The following GRM8 variants were observed in gnomAD, a reference collection of about 807,000 sequenced individuals.
The protein encoded by GRM8 is glutamate metabotropic receptor 8.
In GRM8, 47 loss-of-function variants were observed where a neutral mutation model predicts 87.2. The observed-to-expected ratio is 0.54, with a 90% CI of 0.43 to 0.69. The LOEUF (loss-of-function observed/expected upper bound fraction) is 0.69, where lower values mean the gene tolerates loss of function less well. GRM8 is among the 30% of genes least tolerant of loss of function. GRM8 has a pLI of 0.00. For synonymous variants in GRM8, 396 were observed against 404.5 expected (o/e 0.98, Z 0.25); for missense variants, 1,019 against 1,139.2 (o/e 0.89, Z 1.52).
intron 6 of GRM8, among the ~76,000 whole-genome samples, chr7:126,773,436 T>C (rs549009417): frequency 6.6e-6 from 1 of 152,274 alleles, no homozygotes; most frequent in South Asian, 2.1e-4. Flanking sequence ...ATGGAATTCA[T>C]GTAACAGCTA....
chr7:126,646,173 A>G (rs1348126862), intron 7 of GRM8, among the ~76,000 whole-genome samples: 3 of 152,070 alleles, frequency 2.0e-5, no homozygotes, highest in African/African-American at 7.2e-5. Context: ...TCTGCATTCA[A>G]ATGCAGATTG....
At chr7:126,600,717 T>C (rs1282183812) in intron 8 of GRM8, among the ~76,000 whole-genome samples, 1 of 152,170 alleles carries the variant, frequency 6.6e-6, no homozygotes, top group Non-Finnish European at 1.5e-5. Context: ...ACTTGCTCAA[T>C]GTGTGAATAA....
intron 6 of GRM8, among the ~76,000 whole-genome samples, chr7:126,868,305 C>T (rs1798787460): frequency 1.3e-5 from 2 of 152,174 alleles, no homozygotes; most frequent in South Asian, 4.1e-4. Context: ...CCAGTGTGGA[C>T]TCGAGCTCTA....
At position 127,106,753 on chromosome 7, in the gene GRM8, C is replaced by A. The variant is rs763614049; in HGVS notation, c.511-41G>T. 2.2e-6 allele frequency: 3 copies of A among 1,378,750 alleles called. 1 individual carries two copies. The South Asian group carries it at 3.5e-5, about 16-fold the overall frequency. 85.4% of individuals were successfully genotyped at this position (1,378,750 alleles called of 1,614,324 possible). ...TGGGTCATTTCAACCCATGACGAAT[C>A]TTGAAGAATGATGGATTGTCATATG... On this transcript the variant is annotated intron_variant, in intron 2 of 10. Transcript: ENST00000339582.
At chr7:126,452,201 G>T (rs953666565) in intron 9 of GRM8, among the ~76,000 whole-genome samples, 2 of 149,214 alleles carry the variant, frequency 1.3e-5, no homozygotes, top group Non-Finnish European at 3.0e-5. Flanking sequence ...ACCAAACATG[G>T]TATGTTCTCA....
At chr7:127,025,294 C>T (rs962639991) in intron 3 of GRM8, among the ~76,000 whole-genome samples, 5 of 152,028 alleles carry the variant, frequency 3.3e-5, no homozygotes, top group Admixed American at 3.3e-4. Context: ...TCATAATCTC[C>T]TTAAACTTCT....
chr7:126,551,749 T>C (rs1792612356), intron 8 of GRM8, among the ~76,000 whole-genome samples: 2 of 152,074 alleles, frequency 1.3e-5, no homozygotes, highest in African/African-American at 4.8e-5. Flanking sequence ...ATAATGCCAT[T>C]CCTTGACTAC....
chr7:127,145,222 A>G (rs1160795057), intron 2 of GRM8, among the ~76,000 whole-genome samples: 2 of 152,140 alleles, frequency 1.3e-5, no homozygotes, highest in Non-Finnish European at 2.9e-5. Flanking sequence ...TCTTGCAAAC[A>G]TGGTAAGCCC....
At chr7:127,000,793 CGAT>C (rs1239980351) in intron 3 of GRM8, among the ~76,000 whole-genome samples, 1 of 151,418 alleles carries the variant, frequency 6.6e-6, no homozygotes, top group Non-Finnish European at 1.5e-5. Context: ...GGTGACACGA[CGAT>C]GCAAATGTAA....
At chr7:126,724,752 C>A (rs1812776986) in intron 7 of GRM8, among the ~76,000 whole-genome samples, 1 of 148,100 alleles carries the variant, frequency 6.8e-6, no homozygotes, top group African/African-American at 2.5e-5. Context: ...GTATAATAAA[C>A]TATTTGCAAA....
At chr7:126,967,523 G>T (rs922489962) in intron 3 of GRM8, among the ~76,000 whole-genome samples, 1 of 143,082 alleles carries the variant, frequency 7.0e-6, no homozygotes, top group Non-Finnish European at 1.5e-5. Flanking sequence ...TGGATTATGT[G>T]AAAACCTCTT....
intron 7 of GRM8, among the ~76,000 whole-genome samples, chr7:126,640,227 C>A (rs2151200436): frequency 6.6e-6 from 1 of 152,170 alleles, no homozygotes; most frequent in South Asian, 2.1e-4. Context: ...GCCTTTAGTG[C>A]AATTAATGGC....
intron 2 of GRM8, among the ~76,000 whole-genome samples, chr7:127,222,888 T>C (rs1797025195): frequency 6.6e-6 from 1 of 152,228 alleles, no homozygotes; most frequent in Admixed American, 6.5e-5. Flanking sequence ...CTCTACCTCC[T>C]GTTCTCCAGT....
intron 2 of GRM8, among the ~76,000 whole-genome samples, chr7:127,197,968 C>T (rs893972682): frequency 2.0e-5 from 3 of 151,640 alleles, no homozygotes; most frequent in African/African-American, 7.3e-5. Flanking sequence ...ATGTCTTTTG[C>T]TTTCTAGATG....
Position 126,872,257 on chromosome 7 carries a change from G to A in GRM8, c.1156+30285C>T, listed in dbSNP as rs189436714. ...TGTTCTGCCCTATCTCTTATTTTCT[G>A]CTTTCCTAACCTTTCCCCATTTCCT... On this transcript the variant is annotated intron_variant, in intron 6 of 10. Transcript: ENST00000339582. Among the ~76,000 whole-genome samples, 50 of 152,204 alleles carry A rather than the reference G, an allele frequency of 3.3e-4. 1 individual carries two copies. The highest frequency in any genetic ancestry group is 3.1e-3 in the Admixed American group (47 of 15,284).
chr7:126,512,426 A>T (rs1047355331), intron 9 of GRM8: 27 of 152,248 alleles, frequency 1.8e-4, no homozygotes, highest in African/African-American at 6.5e-4. Flanking sequence ...AGTCTGAGCC[A>T]CACTCTCGAC....
At chr7:127,171,679 T>A (rs997209023) in intron 2 of GRM8, among the ~76,000 whole-genome samples, 2 of 152,224 alleles carry the variant, frequency 1.3e-5, no homozygotes, top group African/African-American at 4.8e-5. Context: ...TTTAATAGAC[T>A]ATAATATAGT....
chr7:126,871,027 T>C (rs1799051764), intron 6 of GRM8, among the ~76,000 whole-genome samples: 1 of 152,182 alleles, frequency 6.6e-6, no homozygotes, highest in African/African-American at 2.4e-5. Context: ...TAAGGTATGT[T>C]AGAAAATCCC....
At chr7:126,658,758 T>C (rs1402596438) in intron 7 of GRM8, among the ~76,000 whole-genome samples, 4 of 151,936 alleles carry the variant, frequency 2.6e-5, no homozygotes, top group East Asian at 1.9e-4. Context: ...GAAATCCCAA[T>C]ATTAGATTGG....
Sources: allele counts gnomAD v4.1 joint callset (sites outside exome capture counted in the v4.1 genomes callset), GRCh38; gene constraint gnomAD v4.1.1; transcripts MANE v1.5; gene names NCBI Gene and HGNC (gene_info 2026-07-23, HGNC 2026-07-21).